The following VWA3A variants were observed in gnomAD, a reference collection of about 807,000 sequenced individuals.
The protein encoded by VWA3A is von Willebrand factor A domain-containing protein 3A.
Under a neutral mutation model 160.4 loss-of-function variants are expected in VWA3A, and 134 were observed. The ratio of observed to expected loss-of-function variants is 0.84; its 90% CI spans 0.73 to 0.96. The LOEUF (loss-of-function observed/expected upper bound fraction) is 0.96. VWA3A is among the 40% of genes least tolerant of loss of function. The probability of loss-of-function intolerance (pLI) is 0.00; values close to 1 mark genes in which losing one functional copy is unlikely to be tolerated. For synonymous variants in VWA3A, 476 were observed against 543.4 expected, an observed-to-expected ratio of 0.88 and a Z score of 1.72; for missense variants, 1,310 against 1,447.9, an observed-to-expected ratio of 0.90 and a Z score of 1.55.
At chr16:22,111,159 A>G (rs879492441) in intron 8 of VWA3A, among the ~76,000 whole-genome samples, 165 bp downstream of exon 8, 2 of 152,154 alleles carry the variant, frequency 1.3e-5, no homozygotes, top group Non-Finnish European at 2.9e-5. Flanking sequence ...AAAGATGTCT[A>G]CCCTCGTGAG....
chr16:22,116,351 AAAGG>A (rs1473473888), intron 9 of VWA3A: 18 of 445,920 alleles, frequency 4.0e-5, no homozygotes, highest in South Asian at 2.3e-4. Flanking sequence ...AGAAAAAAGA[AAAGG>A]AAGGAAAGAA....
At chr16:22,108,559 G>A (rs1261535588) in intron 6 of VWA3A, among the ~76,000 whole-genome samples, 3 of 152,120 alleles carry the variant, frequency 2.0e-5, no homozygotes, top group Non-Finnish European at 4.4e-5. Context: ...TGCTGGGAGA[G>A]TACAGAAAGG....
rs1467360860 is a variant in VWA3A, at chr16:22,138,485, G to A, written c.2265G>A (p.Arg755=). Reference sequence around the variant, plus strand: ...AGCCCAAGAAGCTCTGCCCTCCCAGGCCCACCGTCCCCCTGGGGGCCAGAA... The same window carrying A: ...AGCCCAAGAAGCTCTGCCCTCCCAGACCCACCGTCCCCCTGGGGGCCAGAA... ...RSQPKKLCPP[R]PTVPLGARMS... Residue 755 remains arginine (R), a synonymous_variant, in exon 22 of 34, where the codon AGG becomes AGA. Coordinates refer to ENST00000389398, the MANE Select transcript of VWA3A (RefSeq NM_173615.5). The A allele has an allele frequency of 2.0e-5, 32 of 1,613,840 alleles. No homozygotes were observed. Among genetic ancestry groups the A allele is most frequent in the Non-Finnish European group, 2.7e-5 (32 of 1,179,894 alleles).
intron 24 of VWA3A, among the ~76,000 whole-genome samples, 162 bp from the exon 25 acceptor site, chr16:22,142,506 C>T (rs887259713): frequency 3.3e-5 from 5 of 152,134 alleles, no homozygotes; most frequent in African/African-American, 1.2e-4. Context: ...GCTCCCCACC[C>T]TCTCACCAGA....
intron 21 of VWA3A, among the ~76,000 whole-genome samples, chr16:22,136,874 T>TACACACACAC (rs747914882): frequency 2.2e-5 from 3 of 134,494 alleles, no homozygotes; most frequent in African/African-American, 9.4e-5. Flanking sequence ...CTACTAAAAA[T>TACACACACAC]ACACACACAC....
chr16:22,113,996 GC>G (rs1313508989), intron 8 of VWA3A, among the ~76,000 whole-genome samples: 1 of 150,978 alleles, frequency 6.6e-6, no homozygotes, highest in Non-Finnish European at 1.5e-5. Flanking sequence ...TAATTAGAAA[GC>G]AACCATATAT....
At chr16:22,120,434 AT>A (rs1288154117) in intron 12 of VWA3A, among the ~76,000 whole-genome samples, 1 of 152,236 alleles carries the variant, frequency 6.6e-6, no homozygotes, top group African/African-American at 2.4e-5. Context: ...ACTAAAAAGC[AT>A]TAATGTTACA....
At chr16:22,109,001 C>A (rs2045517460) in intron 6 of VWA3A, among the ~76,000 whole-genome samples, 1 of 152,070 alleles carries the variant, frequency 6.6e-6, no homozygotes, top group Non-Finnish European at 1.5e-5. Flanking sequence ...AGCAATATGC[C>A]ATCTCAAAAA....
At position 22,116,877 on chromosome 16, in the gene VWA3A, C is replaced by T. The variant is rs374484046; in HGVS notation, c.924+10C>T. The T allele has an allele frequency of 3.0e-5, 49 of 1,609,192 alleles. 1 individual carries two copies. Among genetic ancestry groups the T allele is most frequent in the South Asian group, 2.1e-4 (19 of 90,976 alleles). On this transcript the variant is annotated intron_variant, in intron 10 of 33. Transcript: ENST00000389398. The stretch of plus-strand genomic sequence containing the variant: ...TGATCAGATGCCCCCTGTGAGTGCC[C>T]GAGATTCTCTGAGGTGCCCCTTGGC...
intron 16 of VWA3A, among the ~76,000 whole-genome samples, chr16:22,124,304 A>C (rs1210525907): frequency 6.6e-6 from 1 of 151,490 alleles, no homozygotes; most frequent in Non-Finnish European, 1.5e-5. Flanking sequence ...GCCAGGGTCA[A>C]ATGCCCATCC....
At position 22,131,743 on chromosome 16, in the gene VWA3A, G is replaced by C; in HGVS notation, c.1872+14G>C. 1 of 1,608,972 alleles carries C rather than the reference G, an allele frequency of 6.2e-7. No homozygotes were observed. Among genetic ancestry groups the C allele is most frequent in the East Asian group, 2.2e-5 (1 of 44,854 alleles). Reference sequence around the variant, plus strand: ...GACCAGGACATGGTGGGTAGGCCACGTCCTGGGTGTCCATTATCCTTTGCG... The same window carrying C: ...GACCAGGACATGGTGGGTAGGCCACCTCCTGGGTGTCCATTATCCTTTGCG... On this transcript the variant is annotated intron_variant, in intron 19 of 33. Transcript: ENST00000389398.
In VWA3A at chr16:22,141,613, G is replaced by A; in HGVS notation, c.2415G>A (p.Met805Ile). ...CCCAGCCAACGAAAGAAGGGATGAT[G>A]GAACTGAGGAGGAAGACCAAGTCAA... is the stretch of plus-strand genomic sequence containing the variant. ...AAAQPTKEGMMELRRKTKSRE... is the reference protein window; with the variant it reads ...AAAQPTKEGMIELRRKTKSRE... Residue 805 changes from methionine to isoleucine, a missense_variant, in exon 24 of 34, where the codon ATG (methionine) becomes ATA (isoleucine). Transcript: ENST00000389398. 1 of 1,612,314 alleles carries A rather than the reference G, an allele frequency of 6.2e-7. No homozygotes were observed. Among genetic ancestry groups the A allele is most frequent in the South Asian group, 1.1e-5 (1 of 90,522 alleles).
intron 6 of VWA3A, among the ~76,000 whole-genome samples, 157 bp from the exon 7 acceptor site, chr16:22,109,325 T>C (rs61235361): frequency 0.11 from 16,635 of 152,130 alleles, 1,222 homozygotes; most frequent in South Asian, 0.2. Flanking sequence ...AGTCATGACA[T>C]TGGGTTTTGC....
At chr16:22,138,307 G>A (rs1454018624) in intron 21 of VWA3A, 53 bp from the exon 22 acceptor site, 2 of 1,536,024 alleles carry the variant, frequency 1.3e-6, no homozygotes, top group Admixed American at 2.0e-5. Context: ...GTGTGTGTGT[G>A]TGTGTGTCCA....
intron 29 of VWA3A, 33 bp downstream of exon 29, chr16:22,149,964 A>T: frequency 6.3e-7 from 1 of 1,579,160 alleles, no homozygotes; most frequent in Non-Finnish European, 8.6e-7. Context: ...ACCTTGACGC[A>T]AAACAAATAC....
chr16:22,107,464 A>C (rs2045497694), intron 6 of VWA3A, among the ~76,000 whole-genome samples: 1 of 152,202 alleles, frequency 6.6e-6, no homozygotes, highest in Non-Finnish European at 1.5e-5. Context: ...GAGAGTGGCC[A>C]GGCACGATGG....
rs753910320 is a variant in VWA3A at position 22,133,138 on chromosome 16, T to C, written c.2068+43T>C. 4.4e-6 allele frequency: 7 copies of C among 1,576,816 alleles called. No homozygotes were observed. The African/African-American group carries it at 9.4e-5, about 21-fold the overall frequency. On this transcript the variant is annotated intron_variant, in intron 20 of 33. Transcript: ENST00000389398. ...CATCCCTTCAGCTCATTCCAAACAGTTGTCTCAGCACCAGCATAGCTCCCT... is the reference window on the plus strand; with the variant it reads ...CATCCCTTCAGCTCATTCCAAACAGCTGTCTCAGCACCAGCATAGCTCCCT...
Position 22,149,805 on chromosome 16 carries a change from T to G in VWA3A, c.3003T>G (p.Phe1001Leu). 6.2e-7 allele frequency: 1 copy of G among 1,607,130 alleles called. No individual in the cohort carries two copies. The highest frequency in any genetic ancestry group is 2.2e-5 in the East Asian group (1 of 44,596). ...KCCDSFNLLS[F>L]AESFQSWQDT... ...TCCCCAGTTTTAACCTGCTCAGCTT[T>G]GCAGAGAGCTTTCAGTCATGGCAGG... The change falls in exon 29 of 34, where the codon TTT becomes TTG. Residue 1001 changes from phenylalanine to leucine, a missense_variant. Phe to Leu is a conservative substitution (Grantham distance 22). Coordinates refer to ENST00000389398, the MANE Select transcript of VWA3A (RefSeq NM_173615.5).
chr16:22,115,530 C>T, intron 9 of VWA3A, 58 bp downstream of exon 9: 1 of 1,526,932 alleles, frequency 6.5e-7, no homozygotes, highest in East Asian at 2.4e-5. Flanking sequence ...AAAAACCAAA[C>T]CACTTTTTGA....
Sources: allele counts gnomAD v4.1 joint callset (sites outside exome capture counted in the v4.1 genomes callset), GRCh38; gene constraint gnomAD v4.1.1; transcripts MANE v1.5; gene names NCBI Gene and HGNC (gene_info 2026-07-23, HGNC 2026-07-21).